The following HS3ST4 variants were observed in gnomAD, a reference collection of about 807,000 sequenced individuals.
HS3ST4 encodes the protein heparan sulfate glucosamine 3-O-sulfotransferase 4.
A neutral mutation model predicts 29.2 loss-of-function variants in HS3ST4; 17 were observed. The ratio of observed to expected loss-of-function variants is 0.58; its 90% CI spans 0.40 to 0.87. The LOEUF (loss-of-function observed/expected upper bound fraction) is 0.87, where lower values mean the gene tolerates loss of function less well. Ranked by LOEUF, HS3ST4 falls within the 40% of genes least tolerant of loss-of-function variation. HS3ST4 has a pLI of 0.00. For synonymous variants in HS3ST4, 314 were observed against 285.7 expected (o/e 1.10, Z -1.00); for missense variants, 627 against 634.5 (o/e 0.99, Z 0.13).
At chr16:26,077,306 T>C (rs1337459681) in intron 1 of HS3ST4, among the ~76,000 whole-genome samples, 1 of 152,224 alleles carries the variant, frequency 6.6e-6, no homozygotes, top group African/African-American at 2.4e-5. Flanking sequence ...GACATTGCTT[T>C]GATCAGTAGC....
chr16:26,125,080 A>C (rs974652704), intron 1 of HS3ST4, among the ~76,000 whole-genome samples: 3 of 152,198 alleles, frequency 2.0e-5, no homozygotes, highest in African/African-American at 7.2e-5. Context: ...CATTTGTTGA[A>C]ATAGTTCTCA....
intron 1 of HS3ST4, among the ~76,000 whole-genome samples, chr16:25,752,761 G>C (rs1000050683): frequency 3.3e-5 from 5 of 152,222 alleles, no homozygotes; most frequent in Middle Eastern, 6.8e-3. Flanking sequence ...GATGCATTTA[G>C]GTGCCATATT....
intron 1 of HS3ST4, among the ~76,000 whole-genome samples, chr16:25,761,674 G>A (rs901326552): frequency 4.6e-5 from 7 of 152,198 alleles, no homozygotes; most frequent in African/African-American, 1.7e-4. Context: ...AAAAGGCAGA[G>A]CATGTGCACA....
intron 1 of HS3ST4, among the ~76,000 whole-genome samples, chr16:25,920,371 G>T (rs1968335284): frequency 6.6e-6 from 1 of 151,912 alleles, no homozygotes; most frequent in African/African-American, 2.4e-5. Context: ...ATACCCTACG[G>T]GGCCCTCCAT....
intron 1 of HS3ST4, among the ~76,000 whole-genome samples, chr16:25,831,396 TACACAC>T (rs58851793): frequency 0.067 from 8,487 of 126,042 alleles, 295 homozygotes; most frequent in African/African-American, 0.088. Context: ...ACCCCGTCTC[TACACAC>T]ACACACACAC....
At position 25,712,724 on chromosome 16, in the gene HS3ST4, G is replaced by A. The variant is rs570337827; in HGVS notation, c.734+19573G>A. ...TAAAGGGAAAAGGGAAAGATTGATG[G>A]ATTTGCACAGAGAAAATGTAAAATT... On this transcript the variant is annotated intron_variant, in intron 1 of 1. Transcript: ENST00000331351. Among the ~76,000 whole-genome samples, 56 of 152,230 alleles carry A rather than the reference G, an allele frequency of 3.7e-4. 1 individual carries two copies. In the South Asian group the frequency reaches 0.011, roughly 31 times the overall value.
chr16:25,956,036 G>A (rs985254464), intron 1 of HS3ST4, among the ~76,000 whole-genome samples: 2 of 151,916 alleles, frequency 1.3e-5, no homozygotes, highest in Admixed American at 6.6e-5. Flanking sequence ...AGCTGGTCTT[G>A]AACTCCTAAC....
At chr16:26,132,683 G>A (rs1899436309) in intron 1 of HS3ST4, among the ~76,000 whole-genome samples, 1 of 152,192 alleles carries the variant, frequency 6.6e-6, no homozygotes, top group Non-Finnish European at 1.5e-5. Context: ...GCAAAGAGAA[G>A]CATTGAGGTC....
rs1229298240 is a variant in HS3ST4, at chr16:25,692,319, CGGCGGCGGCGGCGGCGGCGGG to C, written c.-89_-69del. 4 of 148,742 alleles carry C rather than the reference CGGCGGCGGCGGCGGCGGCGGG, an allele frequency of 2.7e-5. No individual in the cohort carries two copies. Among genetic ancestry groups the C allele is most frequent in the East Asian group, 2.2e-4 (1 of 4,538 alleles). The allele number at this position is 148,742 out of a possible 1,614,324, so 9.2% of individuals were successfully genotyped here. A position where few individuals can be genotyped will look rare whatever the true frequency, so the allele number is the denominator to read the frequency against. ...GGCGGCTGGGCAGCGGCGGCGGCGGCGGCGGCGGCGGCGGCGGCGGGGGCGGCGGCTGAAACCATGTCCGGG... is the reference window on the plus strand; with the variant it reads ...GGCGGCTGGGCAGCGGCGGCGGCGGCGGCGGCGGCTGAAACCATGTCCGGG... On this transcript the variant is annotated 5_prime_UTR_variant, in exon 1 of 2. Transcript: ENST00000331351.
chr16:25,811,422 C>CTTTTTTTTTTTTTTTTTTT (rs5816324), intron 1 of HS3ST4, among the ~76,000 whole-genome samples: 1 of 129,062 alleles, frequency 7.7e-6, no homozygotes. Context: ...TTTTCTTCTT[C>CTTTTTTTTTTTTTTTTTTT]TTTTTTTTTT....
At chr16:25,963,643 T>C (rs928981770) in intron 1 of HS3ST4, among the ~76,000 whole-genome samples, 2 of 152,264 alleles carry the variant, frequency 1.3e-5, no homozygotes, top group Admixed American at 1.3e-4. Context: ...TTTACTCTCA[T>C]CATCAAATAA....
intron 1 of HS3ST4, among the ~76,000 whole-genome samples, chr16:25,943,406 T>C (rs1227484605): frequency 1.3e-5 from 2 of 152,218 alleles, no homozygotes; most frequent in East Asian, 1.9e-4. Flanking sequence ...TTAACCACTA[T>C]GTAAAAGACA....
intron 1 of HS3ST4, among the ~76,000 whole-genome samples, chr16:25,879,407 G>T (rs555172664): frequency 6.6e-5 from 10 of 152,090 alleles, no homozygotes; most frequent in African/African-American, 2.4e-4. Flanking sequence ...AAAGTTCCAC[G>T]TGGCAGGGGA....
chr16:26,125,852 T>C (rs113463745), intron 1 of HS3ST4, among the ~76,000 whole-genome samples: 1 of 152,230 alleles, frequency 6.6e-6, no homozygotes, highest in African/African-American at 2.4e-5. Flanking sequence ...CTTGCACTTG[T>C]CTTTAAATGT....
At chr16:25,740,281 G>A (rs1213978020) in intron 1 of HS3ST4, among the ~76,000 whole-genome samples, 1 of 152,100 alleles carries the variant, frequency 6.6e-6, no homozygotes, top group Non-Finnish European at 1.5e-5. Context: ...GACTAGAGGG[G>A]ATTTAAAGGG....
intron 1 of HS3ST4, among the ~76,000 whole-genome samples, chr16:26,074,664 T>A (rs1898638279): frequency 6.7e-6 from 1 of 148,568 alleles, no homozygotes; most frequent in South Asian, 2.1e-4. Flanking sequence ...AATATACACA[T>A]TTTTTTTTTA....
intron 1 of HS3ST4, among the ~76,000 whole-genome samples, chr16:26,004,253 A>T (rs1018874968): frequency 6.6e-6 from 1 of 152,224 alleles, no homozygotes; most frequent in African/African-American, 2.4e-5. Flanking sequence ...AATAGAAAGT[A>T]TTATGGATTG....
At chr16:26,082,657 G>T (rs1898737635) in intron 1 of HS3ST4, among the ~76,000 whole-genome samples, 3 of 152,126 alleles carry the variant, frequency 2.0e-5, no homozygotes, top group Admixed American at 1.3e-4. Context: ...AATTAAAAAT[G>T]GTACATGCTG....
intron 1 of HS3ST4, among the ~76,000 whole-genome samples, chr16:25,880,638 G>A (rs1467579308): frequency 2.0e-5 from 3 of 152,140 alleles, no homozygotes; most frequent in Non-Finnish European, 2.9e-5. Context: ...GCACTAATGG[G>A]CATTTGTCAC....
Sources: allele counts gnomAD v4.1 joint callset (sites outside exome capture counted in the v4.1 genomes callset), GRCh38; gene constraint gnomAD v4.1.1; transcripts MANE v1.5; gene names NCBI Gene and HGNC (gene_info 2026-07-23, HGNC 2026-07-21).